SERGEF: variants seen among roughly 807,000 people sequenced by gnomAD.
The protein encoded by SERGEF is secretion-regulating guanine nucleotide exchange factor.
Under a neutral mutation model 50.0 loss-of-function variants are expected in SERGEF, and 51 were observed. That is an observed-to-expected ratio of 1.02 (90% CI 0.81 to 1.29). The LOEUF is 1.29. Among genes scored for constraint, SERGEF ranks in the 50% most tolerant of loss-of-function variants. The pLI is 0.00. For synonymous variants in SERGEF, 205 were observed against 212.4 expected, an observed-to-expected ratio of 0.97 and a Z score of 0.30; for missense variants, 521 against 557.0, an observed-to-expected ratio of 0.94 and a Z score of 0.65.
chr11:17,943,917 T>C (rs921464037), intron 9 of SERGEF, among the ~76,000 whole-genome samples: 3 of 152,054 alleles, frequency 2.0e-5, no homozygotes, highest in African/African-American at 7.2e-5. Context: ...TTCCCTCTAT[T>C]TGTTTTTTGG....
rs552157642 is a variant in SERGEF, at chr11:17,827,640, C to T, written c.1049-39227G>A. Among the ~76,000 whole-genome samples, 7 of 152,180 alleles carry T rather than the reference C, an allele frequency of 4.6e-5. No individual in the cohort carries two copies. In the South Asian group the frequency reaches 6.2e-4, roughly 14 times the overall value. On this transcript the variant is annotated intron_variant, in intron 10 of 10. Coordinates refer to ENST00000265965, the MANE Select transcript of SERGEF (RefSeq NM_012139.4). Reference sequence around the variant, plus strand: ...CACCTCCTACTCTTCAGTTACCTCTCGCCGCATCACTGAATCTTGCCCTCC... The same window carrying T: ...CACCTCCTACTCTTCAGTTACCTCTTGCCGCATCACTGAATCTTGCCCTCC...
intron 9 of SERGEF, among the ~76,000 whole-genome samples, 176 bp from the exon 10 acceptor site, chr11:17,878,420 A>G (rs1851279156): frequency 6.6e-6 from 1 of 152,214 alleles, no homozygotes; most frequent in Non-Finnish European, 1.5e-5. Context: ...TCACAGCTAC[A>G]TAAAAAGAAA....
intron 8 of SERGEF, among the ~76,000 whole-genome samples, chr11:17,973,260 G>A (rs1424922795): frequency 1.3e-5 from 2 of 152,158 alleles, no homozygotes; most frequent in African/African-American, 4.8e-5. Flanking sequence ...CCACCCTAAG[G>A]TCCCACAGGA....
intron 9 of SERGEF, among the ~76,000 whole-genome samples, chr11:17,909,880 C>T (rs1851916877): frequency 6.6e-6 from 1 of 152,162 alleles, no homozygotes; most frequent in African/African-American, 2.4e-5. Flanking sequence ...AAGCAGAGGA[C>T]CAGGCTAGAG....
intron 8 of SERGEF, among the ~76,000 whole-genome samples, chr11:17,966,218 A>G (rs545878421): frequency 6.6e-6 from 1 of 152,352 alleles, no homozygotes; most frequent in South Asian, 2.1e-4. Context: ...TGTACGAGAC[A>G]AAACAAATTA....
At chr11:17,959,328 T>C in intron 9 of SERGEF, 142 bp downstream of exon 9, 1 of 695,642 alleles carries the variant, frequency 1.4e-6, no homozygotes, top group Non-Finnish European at 2.3e-6. Flanking sequence ...CATTAAAGCA[T>C]GAGCTCCTTA....
intron 9 of SERGEF, among the ~76,000 whole-genome samples, chr11:17,947,406 A>G (rs1590212672): frequency 6.6e-6 from 1 of 152,370 alleles, no homozygotes; most frequent in East Asian, 1.9e-4. Context: ...CACAAACCCA[A>G]GAAAGAATCA....
chr11:17,978,881 T>C (rs1418008106), intron 8 of SERGEF, among the ~76,000 whole-genome samples: 6 of 152,206 alleles, frequency 3.9e-5, no homozygotes. Context: ...TGCCATCTGG[T>C]GGCCCTGCAG....
At chr11:17,923,700 T>G (rs1278503545) in intron 9 of SERGEF, among the ~76,000 whole-genome samples, 2 of 152,134 alleles carry the variant, frequency 1.3e-5, no homozygotes, top group Non-Finnish European at 2.9e-5. Flanking sequence ...GGAAAACAAC[T>G]TAACACAGTG....
chr11:17,984,480 T>C (rs1307036331), intron 8 of SERGEF, among the ~76,000 whole-genome samples: 1 of 152,166 alleles, frequency 6.6e-6, no homozygotes, highest in Non-Finnish European at 1.5e-5. Flanking sequence ...AAACCATTCA[T>C]GAGAAATGTA....
intron 10 of SERGEF, among the ~76,000 whole-genome samples, chr11:17,809,231 C>T (rs1334212456): frequency 2.0e-5 from 3 of 151,934 alleles, no homozygotes; most frequent in African/African-American, 7.3e-5. Context: ...GAGGGGATTG[C>T]AAAGATAATG....
chr11:17,904,113 G>T (rs1043003569), intron 9 of SERGEF, among the ~76,000 whole-genome samples: 5 of 152,216 alleles, frequency 3.3e-5, no homozygotes, highest in African/African-American at 1.2e-4. Context: ...GAGGGAAGAG[G>T]AGAAAATGCA....
At chr11:18,006,856 T>C in intron 2 of SERGEF, 110 bp from the exon 3 acceptor site, 1 of 1,306,064 alleles carries the variant, frequency 7.7e-7, no homozygotes, top group East Asian at 2.3e-5. Context: ...TAACTTTTTT[T>C]GCCATCCAAG....
chr11:17,973,293 C>T (rs968348823), intron 8 of SERGEF, among the ~76,000 whole-genome samples: 2 of 152,218 alleles, frequency 1.3e-5, no homozygotes, highest in Non-Finnish European at 2.9e-5. Context: ...ACAGACAGAA[C>T]ATACACTGGA....
At chr11:17,797,842 C>A (rs1002426497) in intron 10 of SERGEF, among the ~76,000 whole-genome samples, 1 of 152,180 alleles carries the variant, frequency 6.6e-6, no homozygotes, top group Non-Finnish European at 1.5e-5. Flanking sequence ...AATTGTAGCT[C>A]GCTATCAGGA....
rs199664129 is a variant in SERGEF at position 17,959,927 on chromosome 11, A to G, written c.845-291T>C. On this transcript the variant is annotated intron_variant, in intron 8 of 10. Transcript: ENST00000265965. ...TCTTGCATGTTATATAGATATGAATATGACTACGGATATACTTCAACCATG... is the reference window on the plus strand; with the variant it reads ...TCTTGCATGTTATATAGATATGAATGTGACTACGGATATACTTCAACCATG... Among the ~76,000 whole-genome samples, 3 of 152,358 alleles carry G rather than the reference A, an allele frequency of 2.0e-5. No homozygotes were observed. The East Asian group carries it at 5.8e-4, about 29-fold the overall frequency.
At chr11:17,858,393 C>T (rs1009059224) in intron 10 of SERGEF, among the ~76,000 whole-genome samples, 5 of 151,996 alleles carry the variant, frequency 3.3e-5, no homozygotes, top group Non-Finnish European at 7.4e-5. Context: ...GATGGGACTC[C>T]CCCCAGCCCC....
intron 10 of SERGEF, among the ~76,000 whole-genome samples, chr11:17,833,860 A>T (rs1164333593): frequency 6.6e-6 from 1 of 152,156 alleles, no homozygotes; most frequent in Non-Finnish European, 1.5e-5. Context: ...CTGTAACCCC[A>T]TGGTATCCAG....
At chr11:17,846,931 C>T (rs1850624802) in intron 10 of SERGEF, among the ~76,000 whole-genome samples, 1 of 152,182 alleles carries the variant, frequency 6.6e-6, no homozygotes, top group African/African-American at 2.4e-5. Context: ...GCAAGAGCCT[C>T]TGTGTCTTAG....
Sources: allele counts gnomAD v4.1 joint callset (sites outside exome capture counted in the v4.1 genomes callset), GRCh38; gene constraint gnomAD v4.1.1; transcripts MANE v1.5; gene names NCBI Gene and HGNC (gene_info 2026-07-23, HGNC 2026-07-21).